The following HDAC9 variants were observed in gnomAD, a reference collection of about 807,000 sequenced individuals.
The protein encoded by HDAC9 is histone deacetylase 9.
Under a neutral mutation model 139.4 loss-of-function variants are expected in HDAC9, and 41 were observed. That is an observed-to-expected ratio of 0.29 (90% CI 0.23 to 0.38). HDAC9 has a LOEUF of 0.38. Among genes scored for constraint, HDAC9 ranks in the 10% least tolerant of loss-of-function variants. The pLI, the probability that HDAC9 is intolerant of heterozygous loss-of-function variation, is 1.00. For synonymous variants in HDAC9, 517 were observed against 476.2 expected (o/e 1.09, Z -1.12); for missense variants, 1,147 against 1,297.0 (o/e 0.88, Z 1.78).
chr7:18,702,635 G>A (rs1248636932), intron 12 of HDAC9, among the ~76,000 whole-genome samples: 1 of 152,190 alleles, frequency 6.6e-6, no homozygotes, highest in Non-Finnish European at 1.5e-5. Context: ...AGAAGAGGGT[G>A]TATCTGGGTA....
intron 2 of HDAC9, among the ~76,000 whole-genome samples, chr7:18,203,836 G>A (rs1791304613): frequency 1.3e-5 from 2 of 152,170 alleles, no homozygotes; most frequent in Admixed American, 1.3e-4. Flanking sequence ...TGTGATTGTG[G>A]CAGAACAAAT....
At chr7:18,358,538 G>C (rs1014605632) in intron 1 of HDAC9, among the ~76,000 whole-genome samples, 6 of 152,176 alleles carry the variant, frequency 3.9e-5, no homozygotes, top group African/African-American at 1.4e-4. Context: ...AACTTCGAAT[G>C]AGTGTTTTCT....
intron 12 of HDAC9, among the ~76,000 whole-genome samples, chr7:18,696,051 A>G (rs892035385): frequency 2.0e-5 from 3 of 152,086 alleles, no homozygotes; most frequent in Admixed American, 1.3e-4. Context: ...TACTAACACT[A>G]TGCTGTATGT....
intron 1 of HDAC9, among the ~76,000 whole-genome samples, chr7:18,416,738 A>G (rs1480363174): frequency 6.6e-6 from 1 of 152,176 alleles, no homozygotes; most frequent in African/African-American, 2.4e-5. Context: ...ATTTGTAGTA[A>G]TTAATGTCAC....
intron 23 of HDAC9, among the ~76,000 whole-genome samples, chr7:18,951,823 T>A (rs977234336): frequency 6.6e-6 from 1 of 151,922 alleles, no homozygotes. Flanking sequence ...AGTGGATGCT[T>A]CAATCAGATG....
chr7:18,766,823 A>G (rs1273192286), intron 15 of HDAC9, among the ~76,000 whole-genome samples: 2 of 152,156 alleles, frequency 1.3e-5, no homozygotes, highest in Non-Finnish European at 2.9e-5. Flanking sequence ...AAATCTTGTG[A>G]CCCAAATCTC....
chr7:18,849,101 C>A (rs947062905), intron 21 of HDAC9, among the ~76,000 whole-genome samples: 1 of 152,120 alleles, frequency 6.6e-6, no homozygotes, highest in South Asian at 2.1e-4. Flanking sequence ...AACAGTCCAT[C>A]GCTAATTCAG....
chr7:18,494,049 C>A (rs1336577003), upstream of HDAC9, among the ~76,000 whole-genome samples: 1 of 152,024 alleles, frequency 6.6e-6, no homozygotes, highest in Non-Finnish European at 1.5e-5. Context: ...GAATTTTACA[C>A]ATAAATTTTG....
At chr7:18,587,264 G>T (rs1829735209) in intron 3 of HDAC9, among the ~76,000 whole-genome samples, 1 of 151,976 alleles carries the variant, frequency 6.6e-6, no homozygotes, top group Non-Finnish European at 1.5e-5. Context: ...CAATAGTGTT[G>T]GTTTATTGAC....
At chr7:18,864,022 A>G (rs1798302950) in intron 21 of HDAC9, among the ~76,000 whole-genome samples, 1 of 152,134 alleles carries the variant, frequency 6.6e-6, no homozygotes, top group South Asian at 2.1e-4. Flanking sequence ...TGGCATTTGT[A>G]TTATATGTTT....
chr7:18,287,066 G>T (rs1414274717), upstream of HDAC9, among the ~76,000 whole-genome samples: 5 of 152,172 alleles, frequency 3.3e-5, no homozygotes, highest in African/African-American at 7.2e-5. Flanking sequence ...TAGTGCTTCA[G>T]ATGAAGCAGA....
intron 13 of HDAC9, among the ~76,000 whole-genome samples, chr7:18,733,055 G>A (rs1786477013): frequency 7.0e-6 from 1 of 143,628 alleles, no homozygotes; most frequent in Admixed American, 6.9e-5. Context: ...ATATATACAT[G>A]TGTATATACG....
chr7:18,373,818 G>T (rs543692858), intron 1 of HDAC9, among the ~76,000 whole-genome samples: 3 of 151,950 alleles, frequency 2.0e-5, no homozygotes, highest in Non-Finnish European at 4.4e-5. Flanking sequence ...TGGCATTTAA[G>T]TCATGCTAAC....
rs78840231 is a variant in HDAC9 at position 18,542,589 on chromosome 7, G to T, written c.23-42692G>T. ...GATTAATAAGTGACAGTAAATACATGCAACAAAGCTCAACATCATTAATAA... is the reference window on the plus strand; with the variant it reads ...GATTAATAAGTGACAGTAAATACATTCAACAAAGCTCAACATCATTAATAA... On this transcript the variant is annotated intron_variant, in intron 2 of 25. Transcript: ENST00000686413. Among the ~76,000 whole-genome samples, 1,478 of 152,190 alleles carry T rather than the reference G, an allele frequency of 9.7e-3. 23 individuals carry two copies. Among genetic ancestry groups the T allele is most frequent in the African/African-American group, 0.033 (1,390 of 41,546 alleles).
chr7:18,727,692 C>G lies in HDAC9; in HGVS notation c.1844C>G (p.Ser615Cys). The G allele has an allele frequency of 6.3e-7, 1 of 1,583,474 alleles. No individual in the cohort carries two copies. Among genetic ancestry groups the G allele is most frequent in the Non-Finnish European group, 8.6e-7 (1 of 1,169,062 alleles). The change falls in exon 13 of 26, where the codon TCC becomes TGC. Residue 615 changes from serine to cysteine, a missense_variant. By Grantham distance (112) the Ser-to-Cys change is moderately radical. Transcript: ENST00000686413. ...CGTCTCGTCTCCAGGACTCACTCTT[C>G]CCCTGCTGCCTCTGTTTTACCTCAC... The part of the protein sequence containing the change: ...KHRLVSRTHS[S>C]PAASVLPHPA...
chr7:18,709,068 GTTTCTTTTTTTT>G lies in HDAC9; in HGVS notation c.1732-18500_1732-18489del, dbSNP rs1180259615. On this transcript the variant is annotated intron_variant, in intron 12 of 25. Transcript: ENST00000686413. ...CCAAGAAAAAAGAACACTGGACTTTGTTTCTTTTTTTTTTTCTTTTTTTCTTTATTTTATTGC... is the reference window on the plus strand; with the variant it reads ...CCAAGAAAAAAGAACACTGGACTTTGTTTCTTTTTTTCTTTATTTTATTGC... Among the ~76,000 whole-genome samples, 3 of 121,066 alleles carry G rather than the reference GTTTCTTTTTTTT, an allele frequency of 2.5e-5. No homozygotes were observed. In the East Asian group the frequency reaches 7.7e-4, roughly 31 times the overall value. 79.4% of individuals were successfully genotyped at this position (121,066 alleles called of 152,430 possible).
intron 2 of HDAC9, among the ~76,000 whole-genome samples, chr7:18,272,946 A>T (rs910377820): frequency 6.7e-6 from 1 of 148,918 alleles, no homozygotes; most frequent in Non-Finnish European, 1.5e-5. Context: ...TACTACTACT[A>T]CTACTACTAC....
intron 1 of HDAC9, among the ~76,000 whole-genome samples, chr7:18,143,571 A>G (rs991824238): frequency 6.6e-5 from 10 of 152,178 alleles, no homozygotes; most frequent in African/African-American, 2.2e-4. Flanking sequence ...GCAGATCACA[A>G]GGTCAGAAGT....
At chr7:18,392,150 T>G (rs1786547660) in intron 1 of HDAC9, among the ~76,000 whole-genome samples, 1 of 152,024 alleles carries the variant, frequency 6.6e-6, no homozygotes, top group Non-Finnish European at 1.5e-5. Flanking sequence ...CCTGAGTGAG[T>G]TACTCAGCCT....
Sources: gnomAD v4.1 joint callset for allele counts (sites outside exome capture counted in the v4.1 genomes callset) on GRCh38, gnomAD v4.1.1 for gene constraint, MANE v1.5 for transcripts, NCBI Gene and HGNC (gene_info 2026-07-23, HGNC 2026-07-21) for gene names.